LCP2: variants seen among roughly 807,000 people sequenced by gnomAD.
The protein encoded by LCP2 is lymphocyte cytosolic protein 2.
In LCP2, 29 loss-of-function variants were observed where a neutral mutation model predicts 74.5. The observed-to-expected ratio is 0.39, with a 90% confidence interval of 0.29 to 0.53. The LOEUF (loss-of-function observed/expected upper bound fraction) is 0.53, where lower values mean the gene tolerates loss of function less well. LCP2 is among the 20% of genes least tolerant of loss of function. LCP2 has a pLI of 0.72. For missense variants in LCP2, 604 were observed against 634.6 expected, an observed-to-expected ratio of 0.95 and a Z score of 0.52; for synonymous variants, 228 against 229.5, an observed-to-expected ratio of 0.99 and a Z score of 0.06.
rs1034122430 is a variant in LCP2 at position 170,248,837 on chromosome 5, G to T, written c.1480-18C>A. ...AGAAAGTCCTGAAAGAGTCAAGATA[G>T]GGAGATGAGTCAACATTGGAATGAA... On this transcript the variant is annotated intron_variant, in intron 20 of 20. Coordinates refer to ENST00000046794, the MANE Select transcript of LCP2 (RefSeq NM_005565.5). 1.2e-6 allele frequency: 2 copies of T among 1,610,518 alleles called. No homozygotes were observed. Among genetic ancestry groups the T allele is most frequent in the South Asian group, 1.1e-5 (1 of 90,738 alleles).
intron 15 of LCP2, 93 bp from the exon 16 acceptor site, chr5:170,258,259 G>T: frequency 1.5e-6 from 2 of 1,304,918 alleles, no homozygotes; most frequent in Non-Finnish European, 2.2e-6. Context: ...GAAACAGCTA[G>T]TATAAAGAGG....
At chr5:170,253,715 G>C (rs1487238425) in intron 17 of LCP2, among the ~76,000 whole-genome samples, 2 of 152,178 alleles carry the variant, frequency 1.3e-5, no homozygotes, top group Non-Finnish European at 2.9e-5. Context: ...AAATTACCTT[G>C]AGAATATTGC....
chr5:170,255,956 G>A (rs965915731), intron 17 of LCP2, among the ~76,000 whole-genome samples: 5 of 152,230 alleles, frequency 3.3e-5, no homozygotes, highest in Non-Finnish European at 7.3e-5. Context: ...CAGAATCTGT[G>A]ACGTTAAGTT....
intron 19 of LCP2, chr5:170,251,267 A>C (rs977677454): frequency 5.0e-6 from 1 of 200,388 alleles, no homozygotes; most frequent in East Asian, 1.3e-4. Flanking sequence ...TATTCCTGTG[A>C]GTTAATTCCC....
chr5:170,295,553 C>T (rs973437198), intron 1 of LCP2, among the ~76,000 whole-genome samples: 9 of 152,174 alleles, frequency 5.9e-5, no homozygotes, highest in African/African-American at 7.2e-5. Flanking sequence ...AAAGTGTGTC[C>T]GACCTCAGAG....
chr5:170,249,934 C>T (rs1054567378), intron 20 of LCP2, among the ~76,000 whole-genome samples: 1 of 152,216 alleles, frequency 6.6e-6, no homozygotes, highest in Non-Finnish European at 1.5e-5. Flanking sequence ...TACCTCTGCT[C>T]CTATAGGGTC....
chr5:170,284,362 A>G (rs1414740969), intron 3 of LCP2, among the ~76,000 whole-genome samples: 1 of 151,652 alleles, frequency 6.6e-6, no homozygotes. Flanking sequence ...TTTGCCTAGT[A>G]TTGAACTCTA....
chr5:170,256,512 C>A lies in LCP2; in HGVS notation c.1150+14G>T. 1 of 1,608,842 alleles carries A rather than the reference C, an allele frequency of 6.2e-7. No individual in the cohort carries two copies. The highest frequency in any genetic ancestry group is 8.5e-7 in the Non-Finnish European group (1 of 1,175,206). ...TGATGGCTGAAGCACGTCACAAAAG[C>A]CCAGAGTACAAACCTTGAGAGAAGT... On this transcript the variant is annotated intron_variant, in intron 17 of 20. Transcript: ENST00000046794. The surrounding 1 kb of genome is among the most constrained non-coding windows in gnomAD (Gnocchi z 4.5).
At chr5:170,251,617 A>T in intron 19 of LCP2, 1 of 456,138 alleles carries the variant, frequency 2.2e-6, no homozygotes. Flanking sequence ...AGTTGGCAAT[A>T]ATGACTTTCC....
At chr5:170,290,798 T>G (rs1237762158) in intron 2 of LCP2, among the ~76,000 whole-genome samples, 2 of 152,186 alleles carry the variant, frequency 1.3e-5, no homozygotes, top group Non-Finnish European at 2.9e-5. Context: ...GTCACATGCC[T>G]TCCCAACTGA....
At chr5:170,257,373 G>A (rs1761572518) in intron 16 of LCP2, among the ~76,000 whole-genome samples, 1 of 152,172 alleles carries the variant, frequency 6.6e-6, no homozygotes, top group African/African-American at 2.4e-5. Context: ...AGTTGGTGGG[G>A]GTAGATGAGT....
Position 170,297,715 on chromosome 5 carries a change from TC to T in LCP2, c.-105del. 1.1e-6 allele frequency: 1 copy of T among 913,604 alleles called. No individual in the cohort carries two copies. The highest frequency in any genetic ancestry group is 1.7e-6 in the Non-Finnish European group (1 of 599,156). 56.6% of individuals were successfully genotyped at this position (913,604 alleles called of 1,614,324 possible). A position where few individuals can be genotyped will look rare whatever the true frequency, so the allele number is the denominator to read the frequency against. On this transcript the variant is annotated 5_prime_UTR_variant, in exon 1 of 21. Transcript: ENST00000046794. ...CGGAGGCGTTCTTGGCTCTTCCAAC[TC>T]CCAGCTACCCTGTGGAACACCCCTG...
At chr5:170,282,193 T>C (rs988150609) in intron 3 of LCP2, among the ~76,000 whole-genome samples, 2 of 152,210 alleles carry the variant, frequency 1.3e-5, no homozygotes, top group Non-Finnish European at 2.9e-5. Context: ...TTAATACTTA[T>C]ATTGTAAACG....
In LCP2 at chr5:170,275,813, C is replaced by T; in HGVS notation, c.236G>A (p.Arg79Lys). The T allele has an allele frequency of 6.3e-7, 1 of 1,580,400 alleles. No individual in the cohort carries two copies. Among genetic ancestry groups the T allele is most frequent in the Non-Finnish European group, 8.6e-7 (1 of 1,160,724 alleles). Residue 79 changes from arginine (R) to lysine (K), a missense_variant, in exon 4 of 21, where the codon AGG (arginine) becomes AAG (lysine). Coordinates refer to ENST00000046794, the MANE Select transcript of LCP2 (RefSeq NM_005565.5). ...CACTCACTTGCGTGTGAAGATGCTC[C>T]TCCTCTCTTCGTTCTTGTTGATTTC... ...SQEINKNEER[R>K]SIFTRKPQVP... is the part of the protein sequence containing the mutation.
At chr5:170,289,643 T>TCTCTCTCTCTC (rs1762246444) in intron 2 of LCP2, among the ~76,000 whole-genome samples, 1 of 109,970 alleles carries the variant, frequency 9.1e-6, no homozygotes, top group African/African-American at 3.8e-5. Flanking sequence ...CTTTCTTTCT[T>TCTCTCTCTCTC]TCTTTCTTTC....
intron 20 of LCP2, 35 bp from the exon 21 acceptor site, chr5:170,248,854 T>C (rs370371522): frequency 7.3e-5 from 118 of 1,606,184 alleles, no homozygotes; most frequent in Non-Finnish European, 9.1e-5. Flanking sequence ...GAGTCAACAT[T>C]GGAATGAAAA....
At chr5:170,263,611 A>G (rs1156776130) in intron 10 of LCP2, among the ~76,000 whole-genome samples, 1 of 152,244 alleles carries the variant, frequency 6.6e-6, no homozygotes, top group Middle Eastern at 3.2e-3. Context: ...GGCTCCCTGA[A>G]GAAATGCCAG....
At chr5:170,296,457 C>T (rs1002930287) in intron 1 of LCP2, among the ~76,000 whole-genome samples, 3 of 152,282 alleles carry the variant, frequency 2.0e-5, no homozygotes, top group East Asian at 3.9e-4. Flanking sequence ...TAGGGAACCT[C>T]GTCTACCCTC....
At chr5:170,263,156 C>A (rs1761693495) in intron 10 of LCP2, among the ~76,000 whole-genome samples, 164 bp from the exon 11 acceptor site, 1 of 152,098 alleles carries the variant, frequency 6.6e-6, no homozygotes. Context: ...CCGTTAGAGA[C>A]CACCAAATTT....
Sources: gnomAD v4.1 joint callset for allele counts (sites outside exome capture counted in the v4.1 genomes callset) on GRCh38, gnomAD v4.1.1 for gene constraint, Gnocchi (gnomAD v3.1) non-coding constraint, MANE v1.5 for transcripts, NCBI Gene and HGNC (gene_info 2026-07-23, HGNC 2026-07-21) for gene names.